Variants in THADA observed in about 807,000 individuals in gnomAD.
THADA encodes the protein tRNA (32-2'-O)-methyltransferase regulator THADA.
THADA carries 213 observed loss-of-function variants against 219.8 expected under a neutral mutation model. The ratio of observed to expected loss-of-function variants is 0.97; its 90% CI spans 0.87 to 1.09. THADA has a LOEUF of 1.09. Among genes scored for constraint, THADA ranks in the 50% least tolerant of loss-of-function variants. The pLI is 0.00. For missense variants in THADA, 2,956 were observed against 2,311.3 expected, an observed-to-expected ratio of 1.28 and a Z score of -5.72; for synonymous variants, 1,018 against 828.9, an observed-to-expected ratio of 1.23 and a Z score of -3.92.
At chr2:43,298,800 A>G (rs2104398134) in intron 31 of THADA, among the ~76,000 whole-genome samples, 1 of 152,200 alleles carries the variant, frequency 6.6e-6, no homozygotes. Context: ...AAGAAGGAGG[A>G]GATGGGGAGC....
chr2:43,248,197 AGAGAGAG>A (rs1669432652), intron 36 of THADA, among the ~76,000 whole-genome samples: 1 of 139,654 alleles, frequency 7.2e-6, no homozygotes, highest in South Asian at 2.3e-4. Flanking sequence ...AGAGAGAGAG[AGAGAGAG>A]AGAGAGAGAG....
At chr2:43,515,623 G>GA (rs1456311812) in intron 22 of THADA, among the ~76,000 whole-genome samples, 1 of 146,424 alleles carries the variant, frequency 6.8e-6, no homozygotes. Context: ...AGATTTAAAG[G>GA]AAAAAAAACT....
chr2:43,528,125 GCT>G, intron 21 of THADA, 137 bp from the exon 22 acceptor site: 9 of 238,912 alleles, frequency 3.8e-5, no homozygotes, highest in South Asian at 1.3e-4. Flanking sequence ...CATGTTTTAA[GCT>G]TTTTTTTTTT....
intron 26 of THADA, among the ~76,000 whole-genome samples, chr2:43,449,445 A>T (rs373479725): frequency 6.6e-6 from 1 of 152,226 alleles, no homozygotes; most frequent in African/African-American, 2.4e-5. Context: ...TTGATGAAAG[A>T]CAGGAATATA....
intron 31 of THADA, among the ~76,000 whole-genome samples, chr2:43,296,690 T>A (rs970473936): frequency 3.3e-5 from 5 of 152,188 alleles, no homozygotes; most frequent in Admixed American, 3.3e-4. Flanking sequence ...CTAATAATAA[T>A]AAGAGCACAG....
At chr2:43,499,490 C>T (rs1015781294) in intron 24 of THADA, among the ~76,000 whole-genome samples, 4 of 152,172 alleles carry the variant, frequency 2.6e-5, no homozygotes, top group Non-Finnish European at 5.9e-5. Context: ...GATTCTCCTG[C>T]CTCAGCCTCC....
chr2:43,576,958 G>C, intron 10 of THADA, 64 bp downstream of exon 10: 1 of 1,438,064 alleles, frequency 7.0e-7, no homozygotes, highest in Non-Finnish European at 9.6e-7. Context: ...TCCAGCTTTT[G>C]GACTGCATCT....
intron 26 of THADA, among the ~76,000 whole-genome samples, chr2:43,476,609 T>C (rs1395146908): frequency 6.6e-6 from 1 of 152,220 alleles, no homozygotes; most frequent in Non-Finnish European, 1.5e-5. Flanking sequence ...ACGGTGCTAT[T>C]ACTGTGGGGA....
intron 29 of THADA, among the ~76,000 whole-genome samples, chr2:43,358,465 A>C (rs1483262072): frequency 6.6e-6 from 1 of 152,170 alleles, no homozygotes; most frequent in Non-Finnish European, 1.5e-5. Flanking sequence ...GGGGGCAGAG[A>C]AGGCTGTTCA....
chr2:43,476,060 G>T (rs1011582729), intron 26 of THADA, among the ~76,000 whole-genome samples: 2 of 152,094 alleles, frequency 1.3e-5, no homozygotes, highest in Non-Finnish European at 2.9e-5. Flanking sequence ...CGTGCTTCGG[G>T]GAGGACCAGC....
rs370092582 is a variant in THADA at position 43,398,002 on chromosome 2, C to T, written c.4196G>A (p.Arg1399Gln). Reference sequence around the variant, plus strand: ...AAGTGTCCCATGAATGTGGTTTTGCCGGAAACACTGGTCAGTGCAGCTGGG... The same window carrying T: ...AAGTGTCCCATGAATGTGGTTTTGCTGGAAACACTGGTCAGTGCAGCTGGG... Reference protein sequence around the residue: ...TLPSCTDQCFRQNHIHGTLLQ... With the variant: ...TLPSCTDQCFQQNHIHGTLLQ... The change falls in exon 29 of 38, where the codon CGG becomes CAG. Residue 1399 changes from arginine (R) to glutamine (Q), a missense_variant. By Grantham distance (43) the Arg-to-Gln change is conservative. Coordinates refer to ENST00000405975, the MANE Select transcript of THADA (RefSeq NM_022065.5). The T allele has an allele frequency of 1.5e-5, 25 of 1,613,692 alleles. No homozygotes were observed. The Middle Eastern group carries it at 4.9e-4, about 32-fold the overall frequency.
chr2:43,278,366 T>C (rs992791002), intron 36 of THADA, among the ~76,000 whole-genome samples: 1 of 152,220 alleles, frequency 6.6e-6, no homozygotes, highest in African/African-American at 2.4e-5. Flanking sequence ...AAGATCTATA[T>C]TTTATGCTTA....
chr2:43,429,547 G>A (rs994581072), intron 27 of THADA, among the ~76,000 whole-genome samples: 3 of 152,014 alleles, frequency 2.0e-5, no homozygotes, highest in African/African-American at 7.2e-5. Context: ...ATATTAGTCA[G>A]CTAATCGCTA....
chr2:43,237,785 T>C (rs1668201235), intron 36 of THADA, among the ~76,000 whole-genome samples: 1 of 152,024 alleles, frequency 6.6e-6, no homozygotes, highest in Admixed American at 6.6e-5. Flanking sequence ...AACTACTTCT[T>C]AGATATGACA....
chr2:43,471,576 T>C (rs1298108188), intron 26 of THADA, among the ~76,000 whole-genome samples: 2 of 152,174 alleles, frequency 1.3e-5, no homozygotes, highest in South Asian at 2.1e-4. Context: ...CTAAAATTGG[T>C]AAGTTTCTCT....
intron 16 of THADA, among the ~76,000 whole-genome samples, chr2:43,558,268 T>C (rs1697631037): frequency 6.6e-6 from 1 of 152,110 alleles, no homozygotes; most frequent in Admixed American, 6.5e-5. Context: ...CTTAGAGAGA[T>C]CAGGTTAGCA....
At chr2:43,255,254 C>T (rs755346740) in intron 36 of THADA, among the ~76,000 whole-genome samples, 5 of 152,102 alleles carry the variant, frequency 3.3e-5, no homozygotes, top group African/African-American at 1.2e-4. Context: ...ATATAAATAT[C>T]CTACTCTTTG....
intron 29 of THADA, among the ~76,000 whole-genome samples, chr2:43,356,159 G>A (rs1013022769): frequency 5.3e-5 from 8 of 152,134 alleles, no homozygotes; most frequent in African/African-American, 1.9e-4. Context: ...TGATAAAGGT[G>A]ACATTTGAAC....
At chr2:43,451,607 T>A (rs2104896807) in intron 26 of THADA, among the ~76,000 whole-genome samples, 1 of 152,344 alleles carries the variant, frequency 6.6e-6, no homozygotes, top group East Asian at 1.9e-4. Context: ...TCTTGCTATT[T>A]TTTTTAGAAC....
Sources: allele counts gnomAD v4.1 joint callset (sites outside exome capture counted in the v4.1 genomes callset), GRCh38; gene constraint gnomAD v4.1.1; transcripts MANE v1.5; gene names NCBI Gene and HGNC (gene_info 2026-07-23, HGNC 2026-07-21).